ANKRD42: variants seen among roughly 807,000 people sequenced by gnomAD.
ANKRD42 encodes the protein ankyrin repeat domain 42.
In ANKRD42, 43 loss-of-function variants were observed where a neutral mutation model predicts 51.5. The ratio of observed to expected loss-of-function variants is 0.83; its 90% CI spans 0.65 to 1.08. The LOEUF (loss-of-function observed/expected upper bound fraction) is 1.08. Among genes scored for constraint, ANKRD42 ranks in the 50% least tolerant of loss-of-function variants. The pLI is 0.00. For missense variants in ANKRD42, 608 were observed against 629.3 expected (o/e 0.97, Z 0.36); for synonymous variants, 203 against 213.0 (o/e 0.95, Z 0.41).
intron 3 of ANKRD42, among the ~76,000 whole-genome samples, chr11:83,208,028 T>C (rs1862145778): frequency 6.6e-6 from 1 of 152,154 alleles, no homozygotes; most frequent in Admixed American, 6.6e-5. Context: ...GTTTTGTTTT[T>C]GTTTTTGTTT....
rs1318086346 is a variant in ANKRD42 at position 83,240,869 on chromosome 11, T to C, written c.1130T>C (p.Val377Ala). 1 of 1,614,138 alleles carries C rather than the reference T, an allele frequency of 6.2e-7. No homozygotes were observed. The highest frequency in any genetic ancestry group is 1.1e-5 in the South Asian group (1 of 91,082). ...NDVKYFIRHG[V>A]EGSTDAKDDL... Reference sequence around the variant, plus strand: ...GTGAAATATTTTATAAGACATGGTGTTGAGGGAAGCACTGATGCCAAGGAT... The same window carrying C: ...GTGAAATATTTTATAAGACATGGTGCTGAGGGAAGCACTGATGCCAAGGAT... The change falls in exon 9 of 11, where the codon GTT becomes GCT. Residue 377 changes from valine to alanine, a missense_variant. By Grantham distance (64) the Val-to-Ala change is moderately conservative (BLOSUM62 0). Transcript: ENST00000533342.
intron 9 of ANKRD42, among the ~76,000 whole-genome samples, chr11:83,241,890 GT>G (rs1863398136): frequency 6.6e-6 from 1 of 152,136 alleles, no homozygotes; most frequent in African/African-American, 2.4e-5. Flanking sequence ...TATGAATTAG[GT>G]GGGAAGAGAA....
chr11:83,224,848 C>T lies in ANKRD42; in HGVS notation c.587-7C>T, dbSNP rs1269984335. The T allele has an allele frequency of 2.5e-6, 4 of 1,570,230 alleles. No homozygotes were observed. In the South Asian group the frequency reaches 3.7e-5, roughly 15 times the overall value. On this transcript the variant is annotated splice_region_variant and splice_polypyrimidine_tract_variant and intron_variant, in intron 5 of 10. Transcript: ENST00000533342. ...AAATTAAATTAATTTTTTTTCCTTT[C>T]CTCTAGTTCACTTAGCAGCCATGGA...
chr11:83,198,544 C>G lies in ANKRD42; in HGVS notation c.124C>G (p.Leu42Val). 6.2e-7 allele frequency: 1 copy of G among 1,613,880 alleles called. No individual in the cohort carries two copies. The highest frequency in any genetic ancestry group is 8.5e-7 in the Non-Finnish European group (1 of 1,179,864). The change falls in exon 2 of 11, where the codon CTT (leucine) becomes GTT (valine). Residue 42 changes from leucine to valine, a missense_variant. Transcript: ENST00000533342. Reference sequence around the variant, plus strand: ...AGTACGAGCTGGAGATGTAAAGCAGCTTTCAGAAATAGTGGTACGTGGAGC... The same window carrying G: ...AGTACGAGCTGGAGATGTAAAGCAGGTTTCAGAAATAGTGGTACGTGGAGC... Reference protein sequence around the residue: ...DAVRAGDVKQLSEIVVRGASI... With the variant: ...DAVRAGDVKQVSEIVVRGASI...
At chr11:83,262,019 G>GAGA, downstream of ANKRD42, 1 of 1,230,412 alleles carries the variant, frequency 8.1e-7, no homozygotes, top group Non-Finnish European at 1.2e-6. Flanking sequence ...TTATTTTGCA[G>GAGA]AGATAAAGAG....
intron 6 of ANKRD42, 37 bp from the exon 7 acceptor site, chr11:83,227,710 T>C (rs754843366): frequency 2.0e-5 from 32 of 1,582,902 alleles, no homozygotes; most frequent in African/African-American, 2.7e-5. Context: ...GAATAAACTC[T>C]TATGTTTATT....
intron 5 of ANKRD42, among the ~76,000 whole-genome samples, chr11:83,218,915 G>A (rs1862626592): frequency 6.6e-6 from 1 of 152,234 alleles, no homozygotes; most frequent in Non-Finnish European, 1.5e-5. Flanking sequence ...GTAGAAGGGT[G>A]TTATAATTAA....
chr11:83,240,971 G>A (rs750875702), intron 9 of ANKRD42, 37 bp downstream of exon 9: 1 of 1,559,778 alleles, frequency 6.4e-7, no homozygotes, highest in East Asian at 2.3e-5. Flanking sequence ...TATCCTTTCA[G>A]AAATACCACA....
chr11:83,210,092 G>C (rs752928577), intron 3 of ANKRD42: 3 of 454,704 alleles, frequency 6.6e-6, no homozygotes, highest in Non-Finnish European at 1.2e-5. Context: ...TGATTAGAGA[G>C]GAAGTTTTTG....
At chr11:83,227,984 C>G in intron 7 of ANKRD42, 112 bp downstream of exon 7, 1 of 1,246,860 alleles carries the variant, frequency 8.0e-7, no homozygotes, top group Non-Finnish European at 1.1e-6. Flanking sequence ...TTCTGATACC[C>G]TAGCAGATAT....
At chr11:83,233,574 T>G (rs888487959) in intron 7 of ANKRD42, among the ~76,000 whole-genome samples, 12 of 152,228 alleles carry the variant, frequency 7.9e-5, no homozygotes, top group African/African-American at 2.9e-4. Context: ...TTCATTTTAA[T>G]TTCATTTGTT....
chr11:83,252,382 C>T (rs1230252693), downstream of ANKRD42, among the ~76,000 whole-genome samples: 2 of 152,114 alleles, frequency 1.3e-5, no homozygotes, highest in Non-Finnish European at 2.9e-5. Context: ...CACAGATGGA[C>T]ACCAAAAATA....
chr11:83,208,197 T>C (rs2135495497), intron 3 of ANKRD42, among the ~76,000 whole-genome samples: 1 of 151,556 alleles, frequency 6.6e-6, no homozygotes, highest in South Asian at 2.1e-4. Context: ...CTAATTTTTT[T>C]TGTAGAGATG....
At chr11:83,237,288 T>C (rs977497871) in intron 8 of ANKRD42, among the ~76,000 whole-genome samples, 4 of 152,214 alleles carry the variant, frequency 2.6e-5, no homozygotes, top group Admixed American at 1.3e-4. Flanking sequence ...TCTTTCTGTT[T>C]GAAAGTTGTA....
intron 8 of ANKRD42, 92 bp downstream of exon 8, chr11:83,236,601 A>T: frequency 1.0e-6 from 1 of 957,788 alleles, no homozygotes. Context: ...GTTTTAATGG[A>T]ATTTTAGAGG....
intron 5 of ANKRD42, chr11:83,212,900 T>G: frequency 6.9e-7 from 1 of 1,454,128 alleles, no homozygotes; most frequent in Non-Finnish European, 9.0e-7. Flanking sequence ...TTGTATTTTG[T>G]AAGTTTTTTT....
intron 11 of ANKRD42, among the ~76,000 whole-genome samples, chr11:83,253,998 C>T (rs1052934940): frequency 1.3e-5 from 2 of 152,094 alleles, no homozygotes; most frequent in Non-Finnish European, 2.9e-5. Flanking sequence ...TTTTTTGAGA[C>T]ACTATCTCAC....
intron 3 of ANKRD42, among the ~76,000 whole-genome samples, chr11:83,208,133 C>T (rs913621451): frequency 2.6e-5 from 4 of 152,130 alleles, no homozygotes; most frequent in African/African-American, 9.7e-5. Context: ...AAGTGATCCT[C>T]CCACCTCAGC....
chr11:83,239,292 G>T (rs1484805628), intron 8 of ANKRD42, among the ~76,000 whole-genome samples: 1 of 151,952 alleles, frequency 6.6e-6, no homozygotes, highest in Non-Finnish European at 1.5e-5. Flanking sequence ...GAGTTTTAAA[G>T]GTTCTTTGTA....
Sources: allele counts gnomAD v4.1 joint callset (sites outside exome capture counted in the v4.1 genomes callset), GRCh38; gene constraint gnomAD v4.1.1; transcripts MANE v1.5; gene names NCBI Gene and HGNC (gene_info 2026-07-23, HGNC 2026-07-21).